GPATCH2: variants seen among roughly 807,000 people sequenced by gnomAD.
The protein encoded by GPATCH2 is G-patch domain containing 2.
In GPATCH2, 51 loss-of-function variants were observed where a neutral mutation model predicts 58.0. That is an observed-to-expected ratio of 0.88 (90% CI 0.70 to 1.11). The LOEUF (loss-of-function observed/expected upper bound fraction) is 1.11. GPATCH2 is among the 50% of genes most tolerant of loss of function. The pLI is 0.00. For synonymous variants in GPATCH2, 222 were observed against 218.5 expected (o/e 1.02, Z -0.14); for missense variants, 625 against 652.2 (o/e 0.96, Z 0.45).
chr1:217,485,053 G>A (rs968394381), intron 8 of GPATCH2, among the ~76,000 whole-genome samples: 7 of 152,152 alleles, frequency 4.6e-5, no homozygotes, highest in Non-Finnish European at 1.0e-4. Flanking sequence ...CCCACAATCT[G>A]TGGTCTGCAA....
At chr1:217,537,378 T>C (rs1664529462) in intron 5 of GPATCH2, among the ~76,000 whole-genome samples, 1 of 152,150 alleles carries the variant, frequency 6.6e-6, no homozygotes, top group Admixed American at 6.5e-5. Context: ...CAATATATGT[T>C]TGCTACATTG....
At chr1:217,608,099 C>T (rs990266798) in intron 5 of GPATCH2, 2 of 170,706 alleles carry the variant, frequency 1.2e-5, no homozygotes, top group East Asian at 1.9e-4. Flanking sequence ...TATAGTTATA[C>T]ATAATATAAA....
At chr1:217,528,591 GGAAGGTCA>G (rs1664037438) in intron 5 of GPATCH2, among the ~76,000 whole-genome samples, 1 of 152,184 alleles carries the variant, frequency 6.6e-6, no homozygotes, top group Non-Finnish European at 1.5e-5. Context: ...AAAGTAAGGT[GGAAGGTCA>G]GAGAAGCATG....
At chr1:217,537,962 A>G (rs1408156924) in intron 5 of GPATCH2, among the ~76,000 whole-genome samples, 1 of 152,122 alleles carries the variant, frequency 6.6e-6, no homozygotes, top group Non-Finnish European at 1.5e-5. Context: ...CACAGACTTT[A>G]CCTCCTCCTT....
intron 5 of GPATCH2, among the ~76,000 whole-genome samples, chr1:217,580,532 C>T (rs1667023660): frequency 6.6e-6 from 1 of 152,148 alleles, no homozygotes; most frequent in Non-Finnish European, 1.5e-5. Flanking sequence ...CTCAAAATGG[C>T]AGCAAAGAGA....
At position 217,524,104 on chromosome 1, in the gene GPATCH2, G is replaced by T. The variant is rs554398853; in HGVS notation, c.1099-9215C>A. On this transcript the variant is annotated intron_variant, in intron 5 of 9. Transcript: ENST00000366935. ...GACCCCCCCACCTCCCTCCCAGACG[G>T]GGTGGCTGCCGGGCAGAGACGCTCC... 6.5e-3 allele frequency among the ~76,000 whole-genome samples: 979 copies of T among 151,338 alleles called. 25 individuals are homozygous for T. Among genetic ancestry groups the T allele is most frequent in the African/African-American group, 0.022 (914 of 40,906 alleles).
chr1:217,597,790 C>T lies in GPATCH2; in HGVS notation c.1098+12531G>A, dbSNP rs186365436. Among the ~76,000 whole-genome samples, 11 of 152,226 alleles carry T rather than the reference C, an allele frequency of 7.2e-5. No individual in the cohort carries two copies. The East Asian group carries it at 2.1e-3, about 29-fold the overall frequency. On this transcript the variant is annotated intron_variant, in intron 5 of 9. Transcript: ENST00000366935. Reference sequence around the variant, plus strand: ...TGTTGGCTAGTGGACTCCATTCTATCCCCACCCCAAATAACAAAGGCATAT... The same window carrying T: ...TGTTGGCTAGTGGACTCCATTCTATTCCCACCCCAAATAACAAAGGCATAT...
intron 5 of GPATCH2, among the ~76,000 whole-genome samples, chr1:217,523,424 C>T (rs1203910707): frequency 6.6e-6 from 1 of 151,652 alleles, no homozygotes; most frequent in Non-Finnish European, 1.5e-5. Flanking sequence ...GCACAACTTG[C>T]ACCGCCCTTA....
At chr1:217,556,633 T>G (rs1665639275) in intron 5 of GPATCH2, among the ~76,000 whole-genome samples, 1 of 152,220 alleles carries the variant, frequency 6.6e-6, no homozygotes, top group Non-Finnish European at 1.5e-5. Context: ...GATTTTTTCA[T>G]CCAGTTTTAT....
chr1:217,618,856 C>T (rs868519919), intron 2 of GPATCH2, among the ~76,000 whole-genome samples: 2 of 151,380 alleles, frequency 1.3e-5, no homozygotes, highest in African/African-American at 2.4e-5. Context: ...CCAGCTACTC[C>T]GGAGGCTGAG....
intron 5 of GPATCH2, among the ~76,000 whole-genome samples, chr1:217,523,380 C>T (rs534213617): frequency 2.0e-5 from 3 of 151,532 alleles, no homozygotes; most frequent in Non-Finnish European, 4.4e-5. Flanking sequence ...TGACTCTTAA[C>T]GAGCATGCTG....
At chr1:217,527,303 G>T (rs1663958158) in intron 5 of GPATCH2, among the ~76,000 whole-genome samples, 1 of 152,098 alleles carries the variant, frequency 6.6e-6, no homozygotes, top group Non-Finnish European at 1.5e-5. Flanking sequence ...TATAAAGTCG[G>T]TCAGGTAGCC....
intron 9 of GPATCH2, among the ~76,000 whole-genome samples, chr1:217,444,440 A>G (rs1659289991): frequency 6.6e-6 from 1 of 152,196 alleles, no homozygotes; most frequent in African/African-American, 2.4e-5. Flanking sequence ...TTGTAAAAAG[A>G]TGGCTTCAAA....
intron 5 of GPATCH2, among the ~76,000 whole-genome samples, chr1:217,546,690 G>A (rs949489492): frequency 6.6e-6 from 1 of 152,176 alleles, no homozygotes; most frequent in African/African-American, 2.4e-5. Context: ...ACATAGCCAT[G>A]GGCAGACTTC....
intron 8 of GPATCH2, among the ~76,000 whole-genome samples, chr1:217,458,123 C>T (rs1441266005): frequency 6.6e-6 from 1 of 152,050 alleles, no homozygotes; most frequent in Non-Finnish European, 1.5e-5. Flanking sequence ...CCAGCTACTC[C>T]GGAGGCTGAG....
At chr1:217,540,019 T>C (rs774313644) in intron 5 of GPATCH2, among the ~76,000 whole-genome samples, 2 of 152,356 alleles carry the variant, frequency 1.3e-5, no homozygotes, top group African/African-American at 2.4e-5. Context: ...AACATTTGCA[T>C]ATCAGGTTCA....
intron 5 of GPATCH2, among the ~76,000 whole-genome samples, chr1:217,568,167 G>A (rs1031522102): frequency 6.6e-6 from 1 of 151,992 alleles, no homozygotes; most frequent in Non-Finnish European, 1.5e-5. Flanking sequence ...ATTTATAACA[G>A]TATAAAAGTG....
intron 5 of GPATCH2, among the ~76,000 whole-genome samples, chr1:217,571,599 G>A (rs1319822146): frequency 7.0e-6 from 1 of 142,326 alleles, no homozygotes; most frequent in Non-Finnish European, 1.5e-5. Flanking sequence ...GAAATTAGGT[G>A]ATCTACACTT....
intron 8 of GPATCH2, among the ~76,000 whole-genome samples, chr1:217,488,139 A>G (rs759521136): frequency 1.3e-5 from 2 of 152,188 alleles, no homozygotes; most frequent in Non-Finnish European, 2.9e-5. Flanking sequence ...ATTCACTGAA[A>G]TTTGTTGATA....
Sources: gnomAD v4.1 joint callset for allele counts (sites outside exome capture counted in the v4.1 genomes callset) on GRCh38, gnomAD v4.1.1 for gene constraint, MANE v1.5 for transcripts, NCBI Gene and HGNC (gene_info 2026-07-23, HGNC 2026-07-21) for gene names.